SHISA9: variants seen among roughly 807,000 people sequenced by gnomAD.
SHISA9 encodes the protein protein shisa-9.
In SHISA9, 13 loss-of-function variants were observed where a neutral mutation model predicts 38.0. The observed-to-expected ratio is 0.34, with a 90% CI of 0.22 to 0.54. The LOEUF is 0.54. Ranked by LOEUF, SHISA9 falls within the 20% of genes least tolerant of loss-of-function variation. The pLI is 0.91. For missense variants in SHISA9, 538 were observed against 575.8 expected (o/e 0.93, Z 0.67); for synonymous variants, 275 against 242.0 (o/e 1.14, Z -1.27).
intron 2 of SHISA9, among the ~76,000 whole-genome samples, chr16:13,131,770 C>G (rs1175707753): frequency 6.6e-6 from 1 of 152,144 alleles, no homozygotes; most frequent in African/African-American, 2.4e-5. Context: ...GACTGAGAGT[C>G]TAAGGAACTT....
chr16:13,476,738 G>GGTTTT, the SHISA9 span, among the ~76,000 whole-genome samples: 31 of 65,228 alleles, frequency 4.8e-4, no homozygotes, highest in African/African-American at 1.6e-3. Flanking sequence ...CCTGTTTTGT[G>GGTTTT]TTTTTTTTTT....
intron 2 of SHISA9, among the ~76,000 whole-genome samples, chr16:13,107,100 C>T (rs547291188): frequency 2.2e-4 from 33 of 151,888 alleles, no homozygotes; most frequent in African/African-American, 8.0e-4. Flanking sequence ...CGTTTATTCC[C>T]CGAGTGAGGG....
chr16:13,545,792 G>A, the SHISA9 span, among the ~76,000 whole-genome samples: 1,856 of 152,104 alleles, frequency 0.012, 14 homozygotes, highest in Middle Eastern at 0.031. Context: ...GCACCACACC[G>A]GTCCCGATCC....
chr16:13,462,340 A>G, the SHISA9 span, among the ~76,000 whole-genome samples: 1 of 152,232 alleles, frequency 6.6e-6, no homozygotes, highest in Non-Finnish European at 1.5e-5. Context: ...TTCAGACAAA[A>G]GAAACAGCAT....
chr16:12,903,670 C>A (rs2071053614), intron 1 of SHISA9, among the ~76,000 whole-genome samples: 1 of 152,110 alleles, frequency 6.6e-6, no homozygotes, highest in South Asian at 2.1e-4. Flanking sequence ...GAGTGACTAG[C>A]GGCCTGCGAA....
chr16:12,995,916 C>G (rs916943015), intron 2 of SHISA9, among the ~76,000 whole-genome samples: 1 of 152,038 alleles, frequency 6.6e-6, no homozygotes, highest in Non-Finnish European at 1.5e-5. Context: ...CATGGACATA[C>G]CCACGGCTCT....
chr16:13,038,083 G>A (rs1476457642), intron 2 of SHISA9, among the ~76,000 whole-genome samples: 1 of 152,144 alleles, frequency 6.6e-6, no homozygotes, highest in Non-Finnish European at 1.5e-5. Context: ...TCCGCCTCCC[G>A]AGTTCAAGCG....
chr16:13,393,603 G>A, the SHISA9 span, among the ~76,000 whole-genome samples: 4 of 152,208 alleles, frequency 2.6e-5, no homozygotes, highest in African/African-American at 9.7e-5. Context: ...AAGCCAACAG[G>A]ACTCTTATGC....
At chr16:13,390,239 C>G in the SHISA9 span, among the ~76,000 whole-genome samples, 2 of 152,014 alleles carry the variant, frequency 1.3e-5, no homozygotes, top group Non-Finnish European at 2.9e-5. Flanking sequence ...ACCAGTGAAC[C>G]ATGACATCAG....
At chr16:13,542,881 T>A in the SHISA9 span, among the ~76,000 whole-genome samples, 2 of 152,178 alleles carry the variant, frequency 1.3e-5, no homozygotes, top group Non-Finnish European at 2.9e-5. Flanking sequence ...ATCCCACAGG[T>A]TGGCTTTACT....
chr16:13,205,253 C>G (rs2051053135), intron 3 of SHISA9, among the ~76,000 whole-genome samples: 1 of 152,206 alleles, frequency 6.6e-6, no homozygotes, highest in African/African-American at 2.4e-5. Flanking sequence ...TTCATGAAAA[C>G]TACTTCATCA....
chr16:13,272,892 G>T, the SHISA9 span, among the ~76,000 whole-genome samples: 8 of 152,060 alleles, frequency 5.3e-5, no homozygotes, highest in South Asian at 8.3e-4. Flanking sequence ...TCTCTGCAAC[G>T]CTTAGACTTT....
At chr16:13,199,399 C>T (rs1314675060) in intron 2 of SHISA9, among the ~76,000 whole-genome samples, 1 of 152,210 alleles carries the variant, frequency 6.6e-6, no homozygotes, top group Non-Finnish European at 1.5e-5. Flanking sequence ...ATGCATTTTC[C>T]ATCTCGAGGC....
the SHISA9 span, among the ~76,000 whole-genome samples, chr16:13,519,290 C>A: frequency 6.6e-6 from 1 of 152,068 alleles, no homozygotes; most frequent in Admixed American, 6.6e-5. Context: ...TCAATAATTT[C>A]TTTTAATTAT....
intron 2 of SHISA9, among the ~76,000 whole-genome samples, chr16:12,998,457 T>G (rs976367036): frequency 6.6e-6 from 1 of 152,258 alleles, no homozygotes; most frequent in Non-Finnish European, 1.5e-5. Flanking sequence ...TCACAGACTT[T>G]CTTTAAGTTC....
At chr16:13,438,750 C>T in the SHISA9 span, among the ~76,000 whole-genome samples, 1 of 152,040 alleles carries the variant, frequency 6.6e-6, no homozygotes, top group African/African-American at 2.4e-5. Flanking sequence ...AGTGAAAATT[C>T]ATTAAAAGGT....
At chr16:13,076,297 C>T (rs1190687900) in intron 2 of SHISA9, among the ~76,000 whole-genome samples, 2 of 152,176 alleles carry the variant, frequency 1.3e-5, no homozygotes, top group Non-Finnish European at 2.9e-5. Context: ...TCCCAAAATG[C>T]TGGGATTACA....
intron 4 of SHISA9, among the ~76,000 whole-genome samples, chr16:13,225,544 G>A (rs1459518338): frequency 6.6e-6 from 1 of 152,170 alleles, no homozygotes. Flanking sequence ...AGAAACCGAT[G>A]AGGAAATGTG....
At chr16:13,210,541 G>T (rs990630366) in intron 3 of SHISA9, among the ~76,000 whole-genome samples, 2 of 152,250 alleles carry the variant, frequency 1.3e-5, no homozygotes, top group Non-Finnish European at 2.9e-5. Context: ...TGAAACAACA[G>T]CAACAATACA....
Sources: allele counts gnomAD v4.1 joint callset (sites outside exome capture counted in the v4.1 genomes callset), GRCh38; gene constraint gnomAD v4.1.1; transcripts MANE v1.5; gene names NCBI Gene and HGNC (gene_info 2026-07-23, HGNC 2026-07-21).